Variants in TULP4 observed in about 807,000 individuals in gnomAD.
The protein encoded by TULP4 is TUB like protein 4.
A neutral mutation model predicts 129.0 loss-of-function variants in TULP4; 16 were observed. That is an observed-to-expected ratio of 0.12 (90% CI 0.08 to 0.19). TULP4 has a LOEUF of 0.19. Ranked by LOEUF, TULP4 falls within the 10% of genes least tolerant of loss-of-function variation. The pLI, the probability that TULP4 is intolerant of heterozygous loss-of-function variation, is 1.00. For synonymous variants in TULP4, 998 were observed against 854.0 expected, an observed-to-expected ratio of 1.17 and a Z score of -2.94; for missense variants, 1,842 against 2,059.1, an observed-to-expected ratio of 0.89 and a Z score of 2.04.
intron 12 of TULP4, among the ~76,000 whole-genome samples, chr6:158,499,801 T>C (rs910599569): frequency 6.6e-6 from 1 of 152,158 alleles, no homozygotes; most frequent in Non-Finnish European, 1.5e-5. Flanking sequence ...GCTCTGAACT[T>C]GAGAGAGTTG....
At chr6:158,247,439 T>G (rs1778049587) in intron 1 of TULP4, among the ~76,000 whole-genome samples, 1 of 152,282 alleles carries the variant, frequency 6.6e-6, no homozygotes, top group Non-Finnish European at 1.5e-5. Context: ...CATTCGTATC[T>G]GCTTTCCAAA....
intron 1 of TULP4, among the ~76,000 whole-genome samples, chr6:158,365,750 C>T (rs941080431): frequency 2.5e-4 from 38 of 151,866 alleles, no homozygotes; most frequent in African/African-American, 7.5e-4. Flanking sequence ...GGATTACAGG[C>T]ATGAGCTACC....
upstream of TULP4, among the ~76,000 whole-genome samples, chr6:158,307,634 A>G (rs1261580999): frequency 6.6e-6 from 1 of 152,168 alleles, no homozygotes; most frequent in East Asian, 1.9e-4. Context: ...GGCACCTGCC[A>G]CCACACCCAG....
At chr6:158,277,310 G>T (rs912792473), upstream of TULP4, among the ~76,000 whole-genome samples, 5 of 152,236 alleles carry the variant, frequency 3.3e-5, no homozygotes, top group African/African-American at 1.2e-4. Flanking sequence ...TCTCAGTCAG[G>T]GAGGTCAGGA....
At chr6:158,440,310 C>T (rs868108757) in intron 3 of TULP4, among the ~76,000 whole-genome samples, 57 of 120,288 alleles carry the variant, frequency 4.7e-4, no homozygotes, top group African/African-American at 1.8e-3. Context: ...AGAGTGAGTC[C>T]CTGTCTCAAA....
chr6:158,381,654 A>G (rs1057032588), intron 1 of TULP4, among the ~76,000 whole-genome samples: 1 of 152,292 alleles, frequency 6.6e-6, no homozygotes, highest in African/African-American at 2.4e-5. Flanking sequence ...TAGAGTGTGG[A>G]GGAGAAATGA....
intron 1 of TULP4, among the ~76,000 whole-genome samples, chr6:158,304,987 T>C (rs985976021): frequency 6.6e-6 from 1 of 152,154 alleles, no homozygotes; most frequent in Non-Finnish European, 1.5e-5. Flanking sequence ...ATTTTTAAAG[T>C]GTACAGTTCA....
In TULP4 at chr6:158,494,863, C is replaced by A; in HGVS notation, c.1870+17C>A. ...TCGGTGCAGGTAAAAATCATGTCCTCTTCTCTCATTGTCCCAGTTGGAACA... is the reference window on the plus strand; with the variant it reads ...TCGGTGCAGGTAAAAATCATGTCCTATTCTCTCATTGTCCCAGTTGGAACA... On this transcript the variant is annotated intron_variant, in intron 11 of 13. Transcript: ENST00000367097. 1 of 1,609,000 alleles carries A rather than the reference C, an allele frequency of 6.2e-7. No individual in the cohort carries two copies. Among genetic ancestry groups the A allele is most frequent in the Admixed American group, 1.7e-5 (1 of 59,960 alleles).
intron 6 of TULP4, among the ~76,000 whole-genome samples, chr6:158,470,140 C>G (rs1041957927): frequency 6.6e-6 from 1 of 152,208 alleles, no homozygotes; most frequent in African/African-American, 2.4e-5. Context: ...CAATGGCAAG[C>G]CTTTAGCCTG....
intron 1 of TULP4, among the ~76,000 whole-genome samples, chr6:158,387,392 T>A (rs1307983222): frequency 1.3e-5 from 2 of 152,186 alleles, no homozygotes; most frequent in African/African-American, 2.4e-5. Context: ...AAATTGGGAC[T>A]GTACAGTGGC....
chr6:158,332,588 G>A (rs747044432), intron 1 of TULP4, among the ~76,000 whole-genome samples: 1 of 152,116 alleles, frequency 6.6e-6, no homozygotes, highest in Non-Finnish European at 1.5e-5. Context: ...CAGGCCATTG[G>A]CAGCTGGGAG....
intron 1 of TULP4, among the ~76,000 whole-genome samples, chr6:158,370,483 A>ATT (rs71030160): frequency 2.0e-5 from 3 of 148,834 alleles, no homozygotes; most frequent in Admixed American, 6.7e-5. Context: ...AAAAAAAAAA[A>ATT]GATTGTGGCA....
At chr6:158,332,247 C>T (rs1482538232) in intron 1 of TULP4, among the ~76,000 whole-genome samples, 1 of 131,598 alleles carries the variant, frequency 7.6e-6, no homozygotes, top group Admixed American at 7.6e-5. Flanking sequence ...AAGAGAGAAA[C>T]AGTAAGATAT....
rs556166761 is a variant in TULP4, at chr6:158,300,984, C to T, written n.117-11067C>T. On this transcript the variant is annotated intron_variant and non_coding_transcript_variant, in intron 1 of 1. Coordinates refer to the TULP4 transcript ENST00000432358. ...TAGAGACCAGTCGACCTTATCGTTACCAGCAGACATGGGTCCCAGTAGAGT... is the reference window on the plus strand; with the variant it reads ...TAGAGACCAGTCGACCTTATCGTTATCAGCAGACATGGGTCCCAGTAGAGT... Among the ~76,000 whole-genome samples, 10 of 152,284 alleles carry T rather than the reference C, an allele frequency of 6.6e-5. No homozygotes were observed. The South Asian group carries it at 2.1e-3, about 32-fold the overall frequency.
rs568512553 is a variant in TULP4 at position 158,469,950 on chromosome 6, A to G, written c.1026+8221A>G. On this transcript the variant is annotated intron_variant, in intron 6 of 13. Coordinates refer to ENST00000367097, the MANE Select transcript of TULP4 (RefSeq NM_020245.5). The stretch of plus-strand genomic sequence containing the variant: ...GCGGGCCACTTCCAAGATGGTGGCA[A>G]GCCTCGTGTTCTCTGACCTGGGGTT... Among the ~76,000 whole-genome samples the G allele has an allele frequency of 2.4e-3, 367 of 152,138 alleles. 1 individual carries two copies. Among genetic ancestry groups the G allele is most frequent in the Middle Eastern group, 6.8e-3 (2 of 294 alleles).
chr6:158,500,308 A>G (rs1205616447), intron 12 of TULP4, among the ~76,000 whole-genome samples: 2 of 152,204 alleles, frequency 1.3e-5, no homozygotes, highest in Non-Finnish European at 1.5e-5. Flanking sequence ...TCCAAGAGGG[A>G]TCTGAACAGG....
At chr6:158,245,395 T>A (rs1043306113) in intron 1 of TULP4, among the ~76,000 whole-genome samples, 2 of 152,074 alleles carry the variant, frequency 1.3e-5, no homozygotes, top group African/African-American at 4.8e-5. Flanking sequence ...CTTGCTGATC[T>A]TATTATTTGG....
intron 1 of TULP4, among the ~76,000 whole-genome samples, chr6:158,243,847 GGTGTGTGTGTGTGT>G (rs57298904): frequency 4.6e-4 from 66 of 143,602 alleles, no homozygotes; most frequent in Non-Finnish European, 7.4e-4. Context: ...AGCTGAAATA[GGTGTGTGTGTGTGT>G]GTGTGTGTGT....
In TULP4 at chr6:158,429,774, A is replaced by G. The variant is rs1778587208; in HGVS notation, c.420A>G (p.Ala140=). The change falls in exon 3 of 14, where the codon GCA becomes GCG. Residue 140 remains alanine, a synonymous_variant. Coordinates refer to ENST00000367097, the MANE Select transcript of TULP4 (RefSeq NM_020245.5). The stretch of plus-strand genomic sequence containing the variant: ...CGTGGAGCCATGATGGAACTCAAGC[A>G]CTTATTTCCTATCGAGATGGGTTTG... ...DFTWSHDGTQ[A]LISYRDGFVL... 14 of 1,613,494 alleles carry G rather than the reference A, an allele frequency of 8.7e-6. No individual in the cohort carries two copies. Among genetic ancestry groups the G allele is most frequent in the Non-Finnish European group, 1.2e-5 (14 of 1,179,784 alleles).
Sources: gnomAD v4.1 joint callset for allele counts (sites outside exome capture counted in the v4.1 genomes callset) on GRCh38, gnomAD v4.1.1 for gene constraint, MANE v1.5 for transcripts, NCBI Gene and HGNC (gene_info 2026-07-23, HGNC 2026-07-21) for gene names.